The following PXDN variants were observed in gnomAD, a reference collection of about 807,000 sequenced individuals.
PXDN encodes peroxidasin homolog.
PXDN carries 77 observed loss-of-function variants against 140.3 expected under a neutral mutation model. The ratio of observed to expected loss-of-function variants is 0.55; its 90% CI spans 0.46 to 0.66. The LOEUF (loss-of-function observed/expected upper bound fraction) is 0.66, where lower values mean the gene tolerates loss of function less well. Ranked by LOEUF, PXDN falls within the 30% of genes least tolerant of loss-of-function variation. The probability of loss-of-function intolerance (pLI) is 0.00; values close to 1 mark genes in which losing one functional copy is unlikely to be tolerated. For missense variants in PXDN, 1,838 were observed against 2,039.5 expected, an observed-to-expected ratio of 0.90 and a Z score of 1.90; for synonymous variants, 911 against 857.4, an observed-to-expected ratio of 1.06 and a Z score of -1.09.
intron 1 of PXDN, among the ~76,000 whole-genome samples, chr2:1,720,726 A>T (rs9712177): frequency 0.1 from 1,554 of 15,004 alleles, 28 homozygotes; most frequent in Non-Finnish European, 0.13. Flanking sequence ...TCTCTCTCTC[A>T]CACACACACA....
In PXDN at chr2:1,649,485, G is replaced by A; in HGVS notation, c.2295C>T (p.Arg765=). 6.2e-7 allele frequency: 1 copy of A among 1,614,026 alleles called. No individual in the cohort carries two copies. Among genetic ancestry groups the A allele is most frequent in the Non-Finnish European group, 8.5e-7 (1 of 1,179,884 alleles). ...MWGASLTAFE[R]LLKSVYENGF... ...CATTCTCGTACACGGATTTCAGCAG[G>A]CGCTCGAAGGCGGTCAGCGAGGCGC... Residue 765 remains arginine (R), a synonymous_variant, in exon 17 of 23, where the codon CGC becomes CGT. Transcript: ENST00000252804. The surrounding 1 kb of genome is among the most constrained non-coding windows in gnomAD (Gnocchi z 7.1).
At chr2:1,644,030 C>T (rs983198927) in intron 18 of PXDN, among the ~76,000 whole-genome samples, 1 of 137,464 alleles carries the variant, frequency 7.3e-6, no homozygotes, top group Non-Finnish European at 1.5e-5. Context: ...CGAGATCGCG[C>T]CACTGCACTC....
intron 14 of PXDN, among the ~76,000 whole-genome samples, chr2:1,659,476 TCTATAAG>T (rs758974764): frequency 2.8e-4 from 42 of 152,346 alleles, no homozygotes; most frequent in Admixed American, 9.8e-4. Flanking sequence ...AATTTGTATT[TCTATAAG>T]CAATGATCAC....
chr2:1,719,749 G>A (rs1254544770), intron 1 of PXDN, among the ~76,000 whole-genome samples: 1 of 152,180 alleles, frequency 6.6e-6, no homozygotes, highest in African/African-American at 2.4e-5. Context: ...AGGAGGACCA[G>A]GTCATGTGAC....
Position 1,654,501 on chromosome 2 carries a change from G to C in PXDN, c.1845C>G (p.Asp615Glu), listed in dbSNP as rs751041516. 5.0e-6 allele frequency: 8 copies of C among 1,611,030 alleles called. No individual in the cohort carries two copies. Among genetic ancestry groups the C allele is most frequent in the Non-Finnish European group, 5.1e-6 (6 of 1,177,504 alleles). The change falls in exon 15 of 23, where the codon GAC (aspartate) becomes GAG (glutamate). Residue 615 changes from aspartate (D) to glutamate (E), a missense_variant. Transcript: ENST00000252804. ...VSMVLSVNVPDVSRNGDPFVA... is the reference protein window; with the variant it reads ...VSMVLSVNVPEVSRNGDPFVA... ...CAAACGGATCTCCATTTCGACTGAC[G>C]TCAGGAACTAGGAAAATACAAAGTC...
At chr2:1,724,239 C>T (rs909653577) in intron 1 of PXDN, among the ~76,000 whole-genome samples, 7 of 151,372 alleles carry the variant, frequency 4.6e-5, no homozygotes, top group African/African-American at 1.2e-4. Flanking sequence ...AGTTTCAATC[C>T]GTGCTAAGTC....
In PXDN at chr2:1,675,433, A is replaced by G. The variant is rs147268521; in HGVS notation, c.848+1494T>C. On this transcript the variant is annotated intron_variant, in intron 8 of 22. Coordinates refer to ENST00000252804, the MANE Select transcript of PXDN (RefSeq NM_012293.3). ...TCCCTGACTTTTAAATGCACACAAC[A>G]TAATACTGCAGAATTCCTCCAGTGT... is the stretch of plus-strand genomic sequence containing the variant. Among the ~76,000 whole-genome samples, 89 of 152,352 alleles carry G rather than the reference A, an allele frequency of 5.8e-4. 1 individual carries two copies. The highest frequency in any genetic ancestry group is 1.9e-3 in the African/African-American group (81 of 41,578).
At chr2:1,735,267 C>G (rs574460569) in intron 1 of PXDN, among the ~76,000 whole-genome samples, 1 of 152,150 alleles carries the variant, frequency 6.6e-6, no homozygotes, top group Non-Finnish European at 1.5e-5. Context: ...TTTTGACCCC[C>G]CCATGAATCA....
chr2:1,658,558 C>T (rs367721749), intron 14 of PXDN, among the ~76,000 whole-genome samples: 100 of 152,194 alleles, frequency 6.6e-4, no homozygotes, highest in African/African-American at 2.1e-3. Flanking sequence ...CCCAGCACCC[C>T]CCACTATCCT....
intron 22 of PXDN, among the ~76,000 whole-genome samples, chr2:1,634,916 C>T: frequency 6.6e-6 from 1 of 151,196 alleles, no homozygotes; most frequent in East Asian, 1.9e-4. Context: ...CCATTGCCGG[C>T]ACCAGGGCAC....
intron 1 of PXDN, among the ~76,000 whole-genome samples, chr2:1,710,509 A>T (rs996713952): frequency 7.1e-5 from 10 of 140,666 alleles, no homozygotes; most frequent in Non-Finnish European, 1.4e-4. Flanking sequence ...ACTAGCACCC[A>T]CTCTCCACCA....
chr2:1,734,344 C>G (rs571790047), intron 1 of PXDN, among the ~76,000 whole-genome samples: 3 of 152,110 alleles, frequency 2.0e-5, no homozygotes, highest in Non-Finnish European at 2.9e-5. Flanking sequence ...AACACCTGAG[C>G]CTTCAGAGAG....
chr2:1,679,791 ATGG>A (rs1402835848), intron 7 of PXDN, among the ~76,000 whole-genome samples: 10 of 118,422 alleles, frequency 8.4e-5, no homozygotes, highest in Admixed American at 2.8e-4. Flanking sequence ...GTGTCTATAA[ATGG>A]TGTGTGTAAA....
At chr2:1,700,789 C>T (rs1684407139) in intron 1 of PXDN, among the ~76,000 whole-genome samples, 1 of 152,098 alleles carries the variant, frequency 6.6e-6, no homozygotes, top group African/African-American at 2.4e-5. Context: ...GTGGGAGAAT[C>T]ACTTGAACCC....
intron 22 of PXDN, among the ~76,000 whole-genome samples, chr2:1,634,822 G>A (rs1229636100): frequency 2.0e-5 from 3 of 152,190 alleles, no homozygotes; most frequent in Non-Finnish European, 4.4e-5. Context: ...GAAGTGCCCG[G>A]GCTGGCGCGC....
At chr2:1,634,898 AC>A (rs1014120837) in intron 22 of PXDN, among the ~76,000 whole-genome samples, 79 of 151,832 alleles carry the variant, frequency 5.2e-4, no homozygotes, top group African/African-American at 1.7e-3. Flanking sequence ...TTCCAGCCAG[AC>A]GTCTGTCCAT....
chr2:1,644,589 G>A (rs777507804), intron 18 of PXDN, 29 bp downstream of exon 18: 7 of 1,565,106 alleles, frequency 4.5e-6, no homozygotes, highest in Admixed American at 1.8e-5. Flanking sequence ...GCTTAGGAGC[G>A]TGCTCCCCTT....
intron 14 of PXDN, among the ~76,000 whole-genome samples, chr2:1,659,731 A>C (rs1683259174): frequency 6.6e-6 from 1 of 152,064 alleles, no homozygotes; most frequent in African/African-American, 2.4e-5. Context: ...TTTACACTTA[A>C]TTTTACATCA....
In PXDN at chr2:1,662,763, G is replaced by A. The variant is rs116558039; in HGVS notation, c.1568-579C>T. On this transcript the variant is annotated intron_variant, in intron 12 of 22. Coordinates refer to ENST00000252804, the MANE Select transcript of PXDN (RefSeq NM_012293.3). ...CCAAGAAACACAGAGCCAACCCGGC[G>A]GGCCGGTCATCAACAGCCTACTGAC... 6.0e-3 allele frequency among the ~76,000 whole-genome samples: 917 copies of A among 152,276 alleles called. 6 individuals are homozygous for A. Among genetic ancestry groups the A allele is most frequent in the African/African-American group, 0.02 (845 of 41,554 alleles).
Sources: allele counts gnomAD v4.1 joint callset (sites outside exome capture counted in the v4.1 genomes callset), GRCh38; gene constraint gnomAD v4.1.1; non-coding constraint Gnocchi (gnomAD v3.1); transcripts MANE v1.5; gene names NCBI Gene and HGNC (gene_info 2026-07-23, HGNC 2026-07-21).